Variants in PALM2AKAP2 observed in about 807,000 individuals in gnomAD.
The protein encoded by PALM2AKAP2 is PALM2-AKAP2 fusion protein.
Under a neutral mutation model 71.5 loss-of-function variants are expected in PALM2AKAP2, and 37 were observed. That is an observed-to-expected ratio of 0.52 (90% confidence interval 0.40 to 0.68). The LOEUF (loss-of-function observed/expected upper bound fraction) is 0.68, where lower values mean the gene tolerates loss of function less well. PALM2AKAP2 is among the 30% of genes least tolerant of loss of function. PALM2AKAP2 has a pLI of 0.00. For synonymous variants in PALM2AKAP2, 468 were observed against 478.8 expected (o/e 0.98, Z 0.29); for missense variants, 1,224 against 1,191.8 (o/e 1.03, Z -0.40).
intron 1 of PALM2AKAP2, among the ~76,000 whole-genome samples, chr9:109,697,877 T>A (rs1448350460): frequency 6.6e-6 from 1 of 152,236 alleles, no homozygotes; most frequent in Non-Finnish European, 1.5e-5. Context: ...TTTGTTAACC[T>A]GAGTTTAATT....
chr9:109,981,091 A>G (rs1728245060), intron 6 of PALM2AKAP2, among the ~76,000 whole-genome samples: 1 of 152,232 alleles, frequency 6.6e-6, no homozygotes, highest in Non-Finnish European at 1.5e-5. Context: ...GTAGGTGCTT[A>G]ATAAATCTTC....
chr9:110,137,840 G>A, exon 2 of PALM2AKAP2: 1 of 1,614,114 alleles, frequency 6.2e-7, no homozygotes, highest in Non-Finnish European at 8.5e-7. Context: ...CCCCTCAGAG[G>A]GCCGAGGAGA....
intron 1 of PALM2AKAP2, among the ~76,000 whole-genome samples, chr9:109,841,911 G>C (rs889332854): frequency 9.2e-5 from 12 of 130,800 alleles, no homozygotes; most frequent in African/African-American, 3.5e-4. Context: ...GAAGGATAGA[G>C]GGGAGGGTGG....
chr9:109,858,692 C>T (rs1219309953), intron 1 of PALM2AKAP2, among the ~76,000 whole-genome samples: 1 of 152,154 alleles, frequency 6.6e-6, no homozygotes, highest in African/African-American at 2.4e-5. Flanking sequence ...TTTTCAGAGT[C>T]CTCTACCATT....
At chr9:109,832,747 A>G (rs906793267) in intron 1 of PALM2AKAP2, among the ~76,000 whole-genome samples, 4 of 151,960 alleles carry the variant, frequency 2.6e-5, no homozygotes, top group Non-Finnish European at 5.9e-5. Flanking sequence ...TCCCAACAAA[A>G]CCACTCCCCA....
intron 1 of PALM2AKAP2, among the ~76,000 whole-genome samples, chr9:109,719,101 G>A (rs926829602): frequency 6.6e-6 from 1 of 152,092 alleles, no homozygotes; most frequent in Non-Finnish European, 1.5e-5. Flanking sequence ...AACAATTTTT[G>A]AAAATTACTT....
At chr9:109,974,143 G>T (rs1832125374) in intron 6 of PALM2AKAP2, among the ~76,000 whole-genome samples, 1 of 152,188 alleles carries the variant, frequency 6.6e-6, no homozygotes, top group Admixed American at 6.5e-5. Context: ...CATAAGAAAT[G>T]GACATGTCTC....
intron 3 of PALM2AKAP2, among the ~76,000 whole-genome samples, chr9:109,893,706 C>T (rs1460968394): frequency 6.6e-6 from 1 of 152,168 alleles, no homozygotes; most frequent in Admixed American, 6.5e-5. Flanking sequence ...CCTCAGCCTC[C>T]CAAAGTGCTG....
chr9:109,650,788 G>C (rs1827214498), intron 1 of PALM2AKAP2, among the ~76,000 whole-genome samples: 1 of 152,126 alleles, frequency 6.6e-6, no homozygotes, highest in Non-Finnish European at 1.5e-5. Flanking sequence ...GCGGCTTTGA[G>C]GGAAGCACAG....
At chr9:109,872,708 A>G (rs1829633234) in intron 2 of PALM2AKAP2, among the ~76,000 whole-genome samples, 1 of 152,220 alleles carries the variant, frequency 6.6e-6, no homozygotes, top group South Asian at 2.1e-4. Context: ...CAACCCACTA[A>G]GGTCATTTGC....
rs150833414 is a variant in PALM2AKAP2 at position 109,980,663 on chromosome 9, G to A, written c.497-35291G>A. 2.2e-3 allele frequency among the ~76,000 whole-genome samples: 334 copies of A among 152,266 alleles called. 1 individual carries two copies. The highest frequency in any genetic ancestry group is 7.8e-3 in the African/African-American group (325 of 41,546). ...CTGAATCAGAGCATCTGAGATCAGG[G>A]CCTGGAAACCTACAGGTTAACAGGT... On this transcript the variant is annotated intron_variant, in intron 6 of 9. Transcript: ENST00000302798.
chr9:109,801,259 C>T (rs960094962), intron 1 of PALM2AKAP2, among the ~76,000 whole-genome samples: 1 of 152,120 alleles, frequency 6.6e-6, no homozygotes, highest in Non-Finnish European at 1.5e-5. Flanking sequence ...GGGGAAGATA[C>T]CCCCAGGGAT....
chr9:110,019,005 G>C (rs569816145), intron 7 of PALM2AKAP2, among the ~76,000 whole-genome samples: 1 of 152,098 alleles, frequency 6.6e-6, no homozygotes, highest in Non-Finnish European at 1.5e-5. Context: ...ACTTTGGGAG[G>C]CCAAGGTGGG....
chr9:109,988,018 G>A (rs866899765), intron 6 of PALM2AKAP2, among the ~76,000 whole-genome samples: 21 of 152,320 alleles, frequency 1.4e-4, no homozygotes, highest in African/African-American at 4.6e-4. Context: ...TTTCTACCAT[G>A]AATTTAGTAT....
At chr9:110,097,857 C>G (rs1355617268) in intron 1 of PALM2AKAP2, among the ~76,000 whole-genome samples, 1 of 139,882 alleles carries the variant, frequency 7.1e-6, no homozygotes, top group Non-Finnish European at 1.5e-5. Flanking sequence ...CCACTGCACT[C>G]CAGCCTGGGC....
chr9:109,950,754 C>T (rs1831618482), intron 6 of PALM2AKAP2, among the ~76,000 whole-genome samples: 1 of 152,208 alleles, frequency 6.6e-6, no homozygotes, highest in Middle Eastern at 3.2e-3. Context: ...ACAGGCCCAA[C>T]TCCAGCCCAG....
intron 1 of PALM2AKAP2, among the ~76,000 whole-genome samples, chr9:109,709,525 C>T (rs1458709590): frequency 2.0e-5 from 3 of 152,182 alleles, no homozygotes; most frequent in Non-Finnish European, 4.4e-5. Flanking sequence ...GCCCTCAGGG[C>T]CAGTCTTCCT....
intron 6 of PALM2AKAP2, among the ~76,000 whole-genome samples, chr9:109,954,924 G>T (rs973914365): frequency 6.6e-6 from 1 of 152,122 alleles, no homozygotes; most frequent in Non-Finnish European, 1.5e-5. Flanking sequence ...ACTGGCAATT[G>T]TCTGGAGCTG....
At chr9:109,718,944 T>C (rs1379261563) in intron 1 of PALM2AKAP2, among the ~76,000 whole-genome samples, 1 of 152,236 alleles carries the variant, frequency 6.6e-6, no homozygotes, top group Non-Finnish European at 1.5e-5. Flanking sequence ...TATTTCAAAA[T>C]GATTTTTTCG....
Sources: gnomAD v4.1 joint callset for allele counts (sites outside exome capture counted in the v4.1 genomes callset) on GRCh38, gnomAD v4.1.1 for gene constraint, MANE v1.5 for transcripts, NCBI Gene and HGNC (gene_info 2026-07-23, HGNC 2026-07-21) for gene names.